RFX1: variants seen among roughly 807,000 people sequenced by gnomAD.
RFX1 encodes regulatory factor X1, also known as MHC class II regulatory factor RFX1.
In RFX1, 42 loss-of-function variants were observed where a neutral mutation model predicts 119.6. That is an observed-to-expected ratio of 0.35 (90% CI 0.27 to 0.45). RFX1 has a LOEUF of 0.45. Ranked by LOEUF, RFX1 falls within the 20% of genes least tolerant of loss-of-function variation. The pLI is 1.00. For missense variants in RFX1, 1,118 were observed against 1,368.1 expected (o/e 0.82, Z 2.88); for synonymous variants, 628 against 618.5 (o/e 1.02, Z -0.23).
chr19:13,971,177 T>C (rs1221602180), intron 9 of RFX1, among the ~76,000 whole-genome samples: 1 of 151,154 alleles, frequency 6.6e-6, no homozygotes, highest in Non-Finnish European at 1.5e-5. Flanking sequence ...CTACTAAAAA[T>C]ACAAAAATTA....
In RFX1 at chr19:13,986,020, G is replaced by A. The variant is rs910107723; in HGVS notation, c.320-2425C>T. On this transcript the variant is annotated intron_variant, in intron 2 of 20. Coordinates refer to ENST00000254325, the MANE Select transcript of RFX1 (RefSeq NM_002918.5). This position sits in a 1 kb window ranked among gnomAD's most constrained non-coding sequence, Gnocchi z 4.2. ...AGGCCCTAATCCCTGTGTTTTGCTG[G>A]AATCTTCCCTGGCATCTGCTTTAGG... is the stretch of plus-strand genomic sequence containing the variant. Among the ~76,000 whole-genome samples the A allele has an allele frequency of 6.6e-6, 1 of 152,176 alleles. No individual in the cohort carries two copies. Among genetic ancestry groups the A allele is most frequent in the Non-Finnish European group, 1.5e-5 (1 of 68,012 alleles).
intron 1 of RFX1, among the ~76,000 whole-genome samples, chr19:13,996,177 T>C (rs10426828): frequency 0.013 from 2,019 of 152,278 alleles, 46 homozygotes; most frequent in African/African-American, 0.046. Context: ...TTGGGGACCC[T>C]TGTACTCATA....
chr19:13,989,579 CAGAG>C (rs1232803777), intron 2 of RFX1, among the ~76,000 whole-genome samples: 15 of 151,744 alleles, frequency 9.9e-5, no homozygotes, highest in East Asian at 1.9e-4. Flanking sequence ...GACAGACAGA[CAGAG>C]AGAAAGAGAG....
chr19:13,976,123 T>G (rs1974247726), intron 8 of RFX1, among the ~76,000 whole-genome samples: 2 of 152,074 alleles, frequency 1.3e-5, no homozygotes, highest in African/African-American at 4.8e-5. Flanking sequence ...GTGAAAAGAT[T>G]AGCAGCACTG....
At chr19:13,973,392 G>A (rs945287876) in intron 8 of RFX1, among the ~76,000 whole-genome samples, 4 of 152,064 alleles carry the variant, frequency 2.6e-5, no homozygotes, top group South Asian at 2.1e-4. Flanking sequence ...CAGGAGGATC[G>A]TTGAAGGCCA....
Position 13,962,980 on chromosome 19 carries a change from C to G in RFX1, c.2770+14G>C. The G allele has an allele frequency of 6.5e-7, 1 of 1,550,086 alleles. No individual in the cohort carries two copies. Among genetic ancestry groups the G allele is most frequent in the African/African-American group, 1.4e-5 (1 of 73,136 alleles). On this transcript the variant is annotated intron_variant, in intron 20 of 20. Transcript: ENST00000254325. ...CCGGGACCCGCGCCCTGGGTGGGAACACGCCTCGCCTACCTTTGTCGGGGT... is the reference window on the plus strand; with the variant it reads ...CCGGGACCCGCGCCCTGGGTGGGAAGACGCCTCGCCTACCTTTGTCGGGGT...
chr19:13,962,590 C>T lies in RFX1; in HGVS notation c.*105G>A. On this transcript the variant is annotated 3_prime_UTR_variant, in exon 21 of 21. Coordinates refer to ENST00000254325, the MANE Select transcript of RFX1 (RefSeq NM_002918.5). ...TCTTCCCTGTCTCGGAGTCCCCCTC[C>T]CTGCCCTGGCTGAGGCTGGAGCAGT... 3 of 984,126 alleles carry T rather than the reference C, an allele frequency of 3.0e-6. No individual in the cohort carries two copies. The highest frequency in any genetic ancestry group is 2.9e-5 in the East Asian group (1 of 34,156). The allele number at this position is 984,126 out of a possible 1,614,324, so 61.0% of individuals were successfully genotyped here. A position where few individuals can be genotyped will look rare whatever the true frequency, so the allele number is the denominator to read the frequency against.
Position 13,973,125 on chromosome 19 carries a change from C to A in RFX1, c.932G>T (p.Arg311Leu). The change falls in exon 9 of 21, where the codon CGT becomes CTT. Residue 311 changes from arginine (R) to leucine (L), a missense_variant and splice_region_variant. This residue lies in a region of RFX1 where 542 missense variants were observed against 602.7 expected (regional missense o/e 0.90). Coordinates refer to ENST00000254325, the MANE Select transcript of RFX1 (RefSeq NM_002918.5). ...CTCGGGATAGGAGTAGGTGCTGGAA[C>A]GGCTGGGAAAGAGGCAAAGCCAAGG... Reference protein sequence around the residue: ...GDASYTASAIRSSTYSYPETP... With the variant: ...GDASYTASAILSSTYSYPETP... The A allele has an allele frequency of 6.3e-7, 1 of 1,593,712 alleles. No individual in the cohort carries two copies.
At chr19:13,988,025 T>G (rs1053062519) in intron 2 of RFX1, among the ~76,000 whole-genome samples, 3 of 124,898 alleles carry the variant, frequency 2.4e-5, no homozygotes, top group Admixed American at 7.6e-5. Flanking sequence ...CTTCTTGCTC[T>G]TTTTTTTTTT....
Position 13,969,710 on chromosome 19 carries a change from A to G in RFX1, c.1496+284T>C. 1 of 381,882 alleles carries G rather than the reference A, an allele frequency of 2.6e-6. No individual in the cohort carries two copies. The highest frequency in any genetic ancestry group is 4.7e-6 in the Non-Finnish European group (1 of 212,298). The allele number at this position is 381,882 out of a possible 1,614,324, so 23.7% of individuals were successfully genotyped here. A position where few individuals can be genotyped will look rare whatever the true frequency, so the allele number is the denominator to read the frequency against. On this transcript the variant is annotated intron_variant, in intron 10 of 20. Coordinates refer to ENST00000254325, the MANE Select transcript of RFX1 (RefSeq NM_002918.5). This position sits in a 1 kb window ranked among gnomAD's most constrained non-coding sequence, Gnocchi z 4.5. ...AGCGTGCTGAATGCTAAAGAGAAAAATAAAGCAGGGTTGGGGGGTGTCGGG... is the reference window on the plus strand; with the variant it reads ...AGCGTGCTGAATGCTAAAGAGAAAAGTAAAGCAGGGTTGGGGGGTGTCGGG...
Position 13,962,280 on chromosome 19 carries a change from G to A in RFX1, c.*415C>T, listed in dbSNP as rs1346667143. 5.3e-6 allele frequency: 1 copy of A among 187,154 alleles called. No individual in the cohort carries two copies. Among genetic ancestry groups the A allele is most frequent in the Non-Finnish European group, 1.1e-5 (1 of 90,674 alleles). The allele number at this position is 187,154 out of a possible 1,614,324, so 11.6% of individuals were successfully genotyped here. A position where few individuals can be genotyped will look rare whatever the true frequency, so the allele number is the denominator to read the frequency against. ...CCACCTGCGCCGGCCCGGGGCTCAG[G>A]GCTGGGCCCAGGACAGGCTGTGCAA... On this transcript the variant is annotated 3_prime_UTR_variant, in exon 21 of 21. Transcript: ENST00000254325.
chr19:13,989,393 G>A (rs1266489774), intron 2 of RFX1, among the ~76,000 whole-genome samples: 5 of 152,174 alleles, frequency 3.3e-5, no homozygotes, highest in Admixed American at 2.6e-4. Flanking sequence ...TTTTTGAGAC[G>A]GAGTTTCACT....
intron 1 of RFX1, among the ~76,000 whole-genome samples, chr19:14,001,384 T>C (rs372205056): frequency 6.6e-6 from 1 of 152,146 alleles, no homozygotes; most frequent in East Asian, 1.9e-4. Flanking sequence ...CACTGTAACC[T>C]TGAATTCCTG....
chr19:13,978,773 C>T (rs887666694), intron 7 of RFX1, among the ~76,000 whole-genome samples: 4 of 152,162 alleles, frequency 2.6e-5, no homozygotes, highest in Non-Finnish European at 5.9e-5. Context: ...GCGGCCGTGC[C>T]GAACACTAGC....
chr19:13,968,662 C>A lies in RFX1; in HGVS notation c.1635G>T (p.Lys545Asn). 6.2e-7 allele frequency: 1 copy of A among 1,613,250 alleles called. No homozygotes were observed. The highest frequency in any genetic ancestry group is 8.5e-7 in the Non-Finnish European group (1 of 1,179,930). Residue 545 changes from lysine to asparagine, a missense_variant, in exon 12 of 21, where the codon AAG becomes AAT. Lys to Asn is a moderately conservative substitution (Grantham distance 94). This residue lies in a region of RFX1 where 338 missense variants were observed against 508.9 expected (regional missense o/e 0.66). Transcript: ENST00000254325. This position sits in a 1 kb window ranked among gnomAD's most constrained non-coding sequence, Gnocchi z 5.5. ...CCACGCCGTTGGTCATGCCTTCCAT[C>A]TTCTGGATGGGCTTGAGCCTGGAGT... is the stretch of plus-strand genomic sequence containing the variant. ...SQKQRLKPIQ[K>N]MEGMTNGVAV...
At chr19:14,004,190 A>T (rs1448867005) in intron 1 of RFX1, among the ~76,000 whole-genome samples, 3 of 149,996 alleles carry the variant, frequency 2.0e-5, no homozygotes, top group East Asian at 4.2e-4. Flanking sequence ...GTGAGCCACC[A>T]CGCCCAGCCT....
In RFX1 at chr19:14,006,087, G is replaced by C. The variant is rs1474080818; in HGVS notation, c.-53+16C>G. Reference sequence around the variant, plus strand: ...CACCCCGGCCCGGCCAGCCACCCCGGGGCCGCCCTGGTTACCTCCGCTTCT... The same window carrying C: ...CACCCCGGCCCGGCCAGCCACCCCGCGGCCGCCCTGGTTACCTCCGCTTCT... On this transcript the variant is annotated intron_variant, in intron 1 of 20. Coordinates refer to ENST00000254325, the MANE Select transcript of RFX1 (RefSeq NM_002918.5). The C allele has an allele frequency of 6.6e-6, 1 of 152,448 alleles. No homozygotes were observed. The highest frequency in any genetic ancestry group is 1.9e-4 in the East Asian group (1 of 5,196). 9.4% of individuals were successfully genotyped at this position (152,448 alleles called of 1,614,324 possible). A position where few individuals can be genotyped will look rare whatever the true frequency, so the allele number is the denominator to read the frequency against.
chr19:13,965,335 A>C lies in RFX1; in HGVS notation c.2211+114T>G, dbSNP rs1295905544. On this transcript the variant is annotated intron_variant, in intron 16 of 20. Transcript: ENST00000254325. The surrounding 1 kb of genome is among the most constrained non-coding windows in gnomAD (Gnocchi z 4.7). ...GGCGGAGAAGGTCTCCCCTTCCTCC[A>C]CAGGCATCATCCCTGGAACAGGCGT... is the stretch of plus-strand genomic sequence containing the variant. The C allele has an allele frequency of 1.1e-6, 1 of 911,100 alleles. No individual in the cohort carries two copies. The highest frequency in any genetic ancestry group is 1.7e-6 in the Non-Finnish European group (1 of 576,992). 56.4% of individuals were successfully genotyped at this position (911,100 alleles called of 1,614,324 possible). A position where few individuals can be genotyped will look rare whatever the true frequency, so the allele number is the denominator to read the frequency against.
At chr19:14,001,134 T>C (rs776540273) in intron 1 of RFX1, among the ~76,000 whole-genome samples, 3 of 152,240 alleles carry the variant, frequency 2.0e-5, no homozygotes, top group Non-Finnish European at 2.9e-5. Context: ...GCCCCACCTC[T>C]TCCTCCCACC....
Sources: allele counts gnomAD v4.1 joint callset (sites outside exome capture counted in the v4.1 genomes callset), GRCh38; gene constraint gnomAD v4.1.1; regional missense constraint gnomAD v4.1.1; non-coding constraint Gnocchi (gnomAD v3.1); transcripts MANE v1.5; gene names NCBI Gene and HGNC (gene_info 2026-07-23, HGNC 2026-07-21).